Variants in B4GALT5 observed in about 807,000 individuals in gnomAD.
B4GALT5 encodes the protein beta-1,4-galactosyltransferase 5, also known as UDP-Gal:beta-GlcNAc beta-1,4-galactosyltransferase 5.
Under a neutral mutation model 45.0 loss-of-function variants are expected in B4GALT5, and 11 were observed. The ratio of observed to expected loss-of-function variants is 0.24; its 90% CI spans 0.15 to 0.40. The LOEUF (loss-of-function observed/expected upper bound fraction) is 0.40, where lower values mean the gene tolerates loss of function less well. Ranked by LOEUF, B4GALT5 falls within the 10% of genes least tolerant of loss-of-function variation. The pLI, the probability that B4GALT5 is intolerant of heterozygous loss-of-function variation, is 1.00. For missense variants in B4GALT5, 337 were observed against 500.2 expected (o/e 0.67, Z 3.11); for synonymous variants, 185 against 182.9 (o/e 1.01, Z -0.09).
At chr20:49,686,761 T>C (rs1372368514) in intron 1 of B4GALT5, among the ~76,000 whole-genome samples, 2 of 140,800 alleles carry the variant, frequency 1.4e-5, no homozygotes. Context: ...AAGCCAAGTG[T>C]GGTGGTGCAC....
Position 49,636,037 on chromosome 20 carries a change from T to C in B4GALT5, c.*275A>G, listed in dbSNP as rs769444278. 9.6e-6 allele frequency: 4 copies of C among 417,154 alleles called. No individual in the cohort carries two copies. The highest frequency in any genetic ancestry group is 1.8e-5 in the Non-Finnish European group (4 of 223,828). 25.8% of individuals were successfully genotyped at this position (417,154 alleles called of 1,614,324 possible). A position where few individuals can be genotyped will look rare whatever the true frequency, so the allele number is the denominator to read the frequency against. On this transcript the variant is annotated 3_prime_UTR_variant, in exon 9 of 9. Transcript: ENST00000371711. ...CTAAGACAGGATGTGGGGTAGGAGATGGGGAGAGAGCAGCGGGACAGACGT... is the reference window on the plus strand; with the variant it reads ...CTAAGACAGGATGTGGGGTAGGAGACGGGGAGAGAGCAGCGGGACAGACGT...
chr20:49,638,647 G>A (rs2085563797), intron 7 of B4GALT5, among the ~76,000 whole-genome samples: 1 of 151,764 alleles, frequency 6.6e-6, no homozygotes, highest in African/African-American at 2.4e-5. Flanking sequence ...AGTTTTGTTA[G>A]AACCTTTAGC....
intron 1 of B4GALT5, among the ~76,000 whole-genome samples, chr20:49,690,656 A>C (rs534186228): frequency 2.0e-5 from 3 of 152,200 alleles, no homozygotes; most frequent in South Asian, 4.1e-4. Flanking sequence ...CAAAAAAGTT[A>C]TATCTGTTAC....
intron 1 of B4GALT5, among the ~76,000 whole-genome samples, chr20:49,658,003 T>A (rs1438904226): frequency 6.6e-6 from 1 of 152,164 alleles, no homozygotes; most frequent in Non-Finnish European, 1.5e-5. Flanking sequence ...TCAAATCATC[T>A]CTTAAGGTAT....
At chr20:49,646,486 T>A (rs1222973957) in intron 3 of B4GALT5, among the ~76,000 whole-genome samples, 1 of 152,216 alleles carries the variant, frequency 6.6e-6, no homozygotes, top group African/African-American at 2.4e-5. Context: ...ACCATTGAGC[T>A]ACAATTACTG....
rs143594005 is a variant in B4GALT5 at position 49,637,208 on chromosome 20, A to G, written c.1019+133T>C. On this transcript the variant is annotated intron_variant, in intron 8 of 8. Coordinates refer to ENST00000371711, the MANE Select transcript of B4GALT5 (RefSeq NM_004776.4). Reference sequence around the variant, plus strand: ...TCTGCCTCAGAGTTAGAATACATGCAACAGCTGTCAAACAGCTGTCAGAAC... The same window carrying G: ...TCTGCCTCAGAGTTAGAATACATGCGACAGCTGTCAAACAGCTGTCAGAAC... 1.9e-4 allele frequency: 142 copies of G among 748,820 alleles called. No individual in the cohort carries two copies. In the African/African-American group the frequency reaches 2.0e-3, roughly 11 times the overall value. 46.4% of individuals were successfully genotyped at this position (748,820 alleles called of 1,614,324 possible).
intron 1 of B4GALT5, among the ~76,000 whole-genome samples, chr20:49,698,629 T>C (rs1036821704): frequency 6.6e-6 from 1 of 151,892 alleles, no homozygotes; most frequent in Non-Finnish European, 1.5e-5. Flanking sequence ...CACACAAGCA[T>C]GAACCACACA....
chr20:49,699,949 T>C (rs2085854810), intron 1 of B4GALT5, among the ~76,000 whole-genome samples: 1 of 152,178 alleles, frequency 6.6e-6, no homozygotes, highest in South Asian at 2.1e-4. Context: ...TTGTCTTATG[T>C]AAAAATGCAG....
At chr20:49,699,131 T>G (rs2146358686) in intron 1 of B4GALT5, among the ~76,000 whole-genome samples, 1 of 152,134 alleles carries the variant, frequency 6.6e-6, no homozygotes, top group Non-Finnish European at 1.5e-5. Flanking sequence ...TAGCAACATA[T>G]AAGAATTACT....
intron 3 of B4GALT5, 53 bp from the exon 4 acceptor site, chr20:49,643,703 C>T: frequency 6.3e-7 from 1 of 1,579,918 alleles, no homozygotes; most frequent in Non-Finnish European, 8.6e-7. Flanking sequence ...ATAGGTTTCC[C>T]TATGCCTGGG....
chr20:49,708,039 G>C (rs2146363604), intron 1 of B4GALT5, among the ~76,000 whole-genome samples: 1 of 145,960 alleles, frequency 6.9e-6, no homozygotes. Context: ...AGACCAGCCT[G>C]CCTGGCCAAC....
intron 1 of B4GALT5, among the ~76,000 whole-genome samples, chr20:49,676,510 A>T (rs1392390921): frequency 1.3e-5 from 2 of 152,230 alleles, no homozygotes; most frequent in African/African-American, 4.8e-5. Context: ...TTGATTGAAG[A>T]CTGTGCTAAC....
intron 1 of B4GALT5, among the ~76,000 whole-genome samples, chr20:49,664,861 T>C (rs2085682515): frequency 2.0e-5 from 3 of 152,238 alleles, no homozygotes; most frequent in Admixed American, 1.3e-4. Flanking sequence ...TATGTATGCA[T>C]ATAAAAAGTT....
chr20:49,698,249 G>GA (rs2085847494), intron 1 of B4GALT5, among the ~76,000 whole-genome samples: 1 of 152,060 alleles, frequency 6.6e-6, no homozygotes, highest in Admixed American at 6.6e-5. Flanking sequence ...CTTGAACCTG[G>GA]AAAGTGGAGG....
chr20:49,649,648 C>T (rs1443838426), intron 2 of B4GALT5, among the ~76,000 whole-genome samples: 1 of 152,126 alleles, frequency 6.6e-6, no homozygotes, highest in Non-Finnish European at 1.5e-5. Context: ...CAGAAATTCT[C>T]TGAGCTCAGC....
chr20:49,684,805 G>C (rs1437584034), intron 1 of B4GALT5, among the ~76,000 whole-genome samples: 1 of 152,200 alleles, frequency 6.6e-6, no homozygotes, highest in Non-Finnish European at 1.5e-5. Context: ...ACAGAGGTTT[G>C]AGTCCCTGCT....
intron 5 of B4GALT5, among the ~76,000 whole-genome samples, chr20:49,641,627 T>A (rs1858223688): frequency 6.6e-6 from 1 of 152,194 alleles, no homozygotes; most frequent in African/African-American, 2.4e-5. Flanking sequence ...AGCTTTTTTC[T>A]CACTCCAGTA....
At chr20:49,689,710 G>T (rs1351345130) in intron 1 of B4GALT5, among the ~76,000 whole-genome samples, 3 of 151,678 alleles carry the variant, frequency 2.0e-5, no homozygotes, top group Non-Finnish European at 4.4e-5. Context: ...TTCCCTTCTT[G>T]GTGTAAAAGT....
At position 49,633,954 on chromosome 20, in the gene B4GALT5, G is replaced by A. The variant is rs1984441933; in HGVS notation, c.*2358C>T. 1.3e-5 allele frequency: 2 copies of A among 152,522 alleles called. No individual in the cohort carries two copies. The highest frequency in any genetic ancestry group is 4.8e-5 in the African/African-American group (2 of 41,382). 9.4% of individuals were successfully genotyped at this position (152,522 alleles called of 1,614,324 possible). A position where few individuals can be genotyped will look rare whatever the true frequency, so the allele number is the denominator to read the frequency against. ...GGTGGGGGATGGGGGTTGCAGGGTG[G>A]AGGGGGGTCTTTATTGCTATATGCA... On this transcript the variant is annotated 3_prime_UTR_variant, in exon 9 of 9. Transcript: ENST00000371711.
Sources: gnomAD v4.1 joint callset for allele counts (sites outside exome capture counted in the v4.1 genomes callset) on GRCh38, gnomAD v4.1.1 for gene constraint, MANE v1.5 for transcripts, NCBI Gene and HGNC (gene_info 2026-07-23, HGNC 2026-07-21) for gene names.